The following CLEC17A variants were observed in gnomAD, a reference collection of about 807,000 sequenced individuals.
CLEC17A encodes the protein C-type lectin domain family 17, member A.
Under a neutral mutation model 61.3 loss-of-function variants are expected in CLEC17A, and 37 were observed. That is an observed-to-expected ratio of 0.60 (90% CI 0.46 to 0.79). The LOEUF (loss-of-function observed/expected upper bound fraction) is 0.79. Ranked by LOEUF, CLEC17A falls within the 30% of genes least tolerant of loss-of-function variation. The pLI, the probability that CLEC17A is intolerant of heterozygous loss-of-function variation, is 0.00. For synonymous variants in CLEC17A, 168 were observed against 164.9 expected (o/e 1.02, Z -0.14); for missense variants, 418 against 464.7 (o/e 0.90, Z 0.92).
intron 12 of CLEC17A, among the ~76,000 whole-genome samples, chr19:14,602,173 A>G (rs1021401315): frequency 1.3e-5 from 2 of 151,664 alleles, no homozygotes; most frequent in Non-Finnish European, 2.9e-5. Context: ...TTTATTTTTA[A>G]TTTATTTATG....
upstream of CLEC17A, among the ~76,000 whole-genome samples, chr19:14,581,464 C>A (rs2074181312): frequency 6.6e-6 from 1 of 151,986 alleles, no homozygotes; most frequent in South Asian, 2.1e-4. Flanking sequence ...GCTGGCATTA[C>A]AGGTGCCCGC....
chr19:14,590,844 C>T (rs2074393828), intron 3 of CLEC17A, among the ~76,000 whole-genome samples: 1 of 151,012 alleles, frequency 6.6e-6, no homozygotes, highest in Non-Finnish European at 1.5e-5. Context: ...CACCACCATG[C>T]CTGGATGGTT....
At chr19:14,597,674 G>A (rs1010826186) in intron 10 of CLEC17A, among the ~76,000 whole-genome samples, 1 of 152,126 alleles carries the variant, frequency 6.6e-6, no homozygotes, top group African/African-American at 2.4e-5. Context: ...GGAGTTTGAG[G>A]TTGATCATGA....
intron 3 of CLEC17A, among the ~76,000 whole-genome samples, chr19:14,591,951 G>T (rs2146686480): frequency 7.3e-6 from 1 of 136,156 alleles, no homozygotes. Context: ...TGAGGTCCAG[G>T]GGCTTCCCCC....
At chr19:14,582,985 GTGTGTT>G, upstream of CLEC17A, 2 of 618,290 alleles carry the variant, frequency 3.2e-6, no homozygotes, top group Middle Eastern at 7.9e-4. Context: ...GTGTGTGTGT[GTGTGTT>G]TGTGTGAGCA....
At chr19:14,584,244 C>G (rs978533645) in intron 2 of CLEC17A, 16 of 151,912 alleles carry the variant, frequency 1.1e-4, no homozygotes, top group African/African-American at 3.9e-4. Context: ...GTTTTGGGAG[C>G]AGGGGACCAC....
At chr19:14,598,840 G>A (rs1425463188) in intron 10 of CLEC17A, among the ~76,000 whole-genome samples, 1 of 151,994 alleles carries the variant, frequency 6.6e-6, no homozygotes. Flanking sequence ...TGTACCTGTA[G>A]TCCCAGCTAC....
At chr19:14,605,480 TTTGA>T (rs1239429350) in intron 12 of CLEC17A, among the ~76,000 whole-genome samples, 1 of 152,208 alleles carries the variant, frequency 6.6e-6, no homozygotes, top group Non-Finnish European at 1.5e-5. Flanking sequence ...TGCACAGATC[TTTGA>T]TGTATGTTCA....
intron 12 of CLEC17A, among the ~76,000 whole-genome samples, chr19:14,604,576 A>G (rs1241044125): frequency 2.0e-5 from 3 of 152,098 alleles, no homozygotes; most frequent in Non-Finnish European, 2.9e-5. Flanking sequence ...CAGCCTGGCC[A>G]ACATGGTGAA....
chr19:14,583,317 G>A, intron 1 of CLEC17A, 40 bp from the exon 2 acceptor site: 1 of 1,608,634 alleles, frequency 6.2e-7, no homozygotes. Context: ...ATGGAGGGAG[G>A]AGGGAATGGC....
intron 2 of CLEC17A, among the ~76,000 whole-genome samples, chr19:14,587,355 C>A (rs1332923215): frequency 6.6e-6 from 1 of 152,028 alleles, no homozygotes; most frequent in African/African-American, 2.4e-5. Flanking sequence ...ATGCCTTAGA[C>A]ATCTGAGTAG....
intron 12 of CLEC17A, among the ~76,000 whole-genome samples, chr19:14,601,659 C>G (rs889564245): frequency 6.6e-6 from 1 of 152,104 alleles, no homozygotes; most frequent in African/African-American, 2.4e-5. Flanking sequence ...CACTCTGTCA[C>G]TCAAGCTGGA....
intron 10 of CLEC17A, among the ~76,000 whole-genome samples, chr19:14,599,386 C>T (rs1380675895): frequency 3.3e-5 from 5 of 152,136 alleles, no homozygotes; most frequent in African/African-American, 4.8e-5. Flanking sequence ...CCATGGGCAG[C>T]CTGCATCTTT....
Position 14,595,295 on chromosome 19 carries a change from C to T in CLEC17A, c.425C>T (p.Pro142Leu), listed in dbSNP as rs2074516811. 1 of 1,613,860 alleles carries T rather than the reference C, an allele frequency of 6.2e-7. No homozygotes were observed. Among genetic ancestry groups the T allele is most frequent in the African/African-American group, 1.3e-5 (1 of 74,924 alleles). Residue 142 changes from proline to leucine, a missense_variant, in exon 8 of 14, where the codon CCA becomes CTA. Coordinates refer to ENST00000417570, the MANE Select transcript of CLEC17A (RefSeq NM_001204118.2). ...PQLAVNLEPS[P>L]LQPSLAATPV... Reference sequence around the variant, plus strand: ...CCAGCTGTGAATCTTGAGCCTTCTCCATTGCAGCCATCCCTGGCCGGTAAG... The same window carrying T: ...CCAGCTGTGAATCTTGAGCCTTCTCTATTGCAGCCATCCCTGGCCGGTAAG...
upstream of CLEC17A, among the ~76,000 whole-genome samples, chr19:14,582,165 T>G (rs974388052): frequency 6.6e-6 from 1 of 152,226 alleles, no homozygotes; most frequent in Admixed American, 6.5e-5. Context: ...TGCCTTTTTT[T>G]TGTGTCAAAT....
rs2075020275 is a variant in CLEC17A at position 14,610,460 on chromosome 19, G to A, written c.*264G>A. On this transcript the variant is annotated 3_prime_UTR_variant, in exon 14 of 14. Coordinates refer to ENST00000417570, the MANE Select transcript of CLEC17A (RefSeq NM_001204118.2). ...AGGTCTCCCACTTCTGGGGTTGAAA[G>A]GATCTTCACTAAGTTCCTGATCATG... The A allele has an allele frequency of 3.8e-5, 18 of 472,802 alleles. No individual in the cohort carries two copies. In the Admixed American group the frequency reaches 4.1e-4, roughly 11 times the overall value. The allele number at this position is 472,802 out of a possible 1,614,324, so 29.3% of individuals were successfully genotyped here.
intron 5 of CLEC17A, 41 bp downstream of exon 5, chr19:14,594,590 T>C: frequency 6.2e-7 from 1 of 1,613,190 alleles, no homozygotes; most frequent in South Asian, 1.1e-5. Context: ...AGAGCTGGCT[T>C]TGCCCTGCTC....
Position 14,600,063 on chromosome 19 carries a change from C to T in CLEC17A, c.775C>T (p.Leu259=). 7 of 1,614,044 alleles carry T rather than the reference C, an allele frequency of 4.3e-6. No homozygotes were observed. Among genetic ancestry groups the T allele is most frequent in the Non-Finnish European group, 5.9e-6 (7 of 1,179,896 alleles). ...CCGAATTACCTGTCCTGAAGGCTGG[C>T]TGCCCTTTGAGGGCAAGTGTTACTA... ...CRRITCPEGW[L]PFEGKCYYFS... The change falls in exon 12 of 14, where the codon CTG becomes TTG. Residue 259 remains leucine (L), a synonymous_variant. Coordinates refer to ENST00000417570, the MANE Select transcript of CLEC17A (RefSeq NM_001204118.2).
At chr19:14,602,198 A>G (rs1321059223) in intron 12 of CLEC17A, among the ~76,000 whole-genome samples, 2 of 151,576 alleles carry the variant, frequency 1.3e-5, no homozygotes, top group Non-Finnish European at 2.9e-5. Context: ...TATATTTAAA[A>G]TGTTTTTTTT....
Sources: allele counts gnomAD v4.1 joint callset (sites outside exome capture counted in the v4.1 genomes callset), GRCh38; gene constraint gnomAD v4.1.1; transcripts MANE v1.5; gene names NCBI Gene and HGNC (gene_info 2026-07-23, HGNC 2026-07-21).